Variants in PCDHGB5 observed in about 807,000 individuals in gnomAD.
PCDHGB5 encodes protocadherin gamma subfamily B, 5, also known as protocadherin gamma-B5.
Under a neutral mutation model 62.9 loss-of-function variants are expected in PCDHGB5, and 48 were observed. The observed-to-expected ratio is 0.76, with a 90% CI of 0.61 to 0.97. PCDHGB5 has a LOEUF of 0.97. PCDHGB5 is among the 50% of genes least tolerant of loss of function. The pLI, the probability that PCDHGB5 is intolerant of heterozygous loss-of-function variation, is 0.00. For synonymous variants in PCDHGB5, 474 were observed against 511.2 expected (o/e 0.93, Z 0.98); for missense variants, 1,118 against 1,198.6 (o/e 0.93, Z 0.99).
At chr5:141,503,679 G>A (rs562303239) in intron 2 of PCDHGB5, among the ~76,000 whole-genome samples, 1 of 152,054 alleles carries the variant, frequency 6.6e-6, no homozygotes, top group East Asian at 1.9e-4. Context: ...CCACTTTTGG[G>A]AAGGAGAATT....
At chr5:141,410,803 C>A in intron 1 of PCDHGB5, 11 of 409,880 alleles carry the variant, frequency 2.7e-5, no homozygotes, top group East Asian at 1.2e-4. Context: ...GTTGCTCTAT[C>A]TTTTTGTAAA....
chr5:141,446,415 T>C (rs1275165245), intron 1 of PCDHGB5, among the ~76,000 whole-genome samples: 2 of 152,046 alleles, frequency 1.3e-5, no homozygotes, highest in African/African-American at 4.8e-5. Flanking sequence ...GTTCCAGCCA[T>C]GTTCATTTGA....
At position 141,432,580 on chromosome 5, in the gene PCDHGB5, T is replaced by C. The variant is rs773087131; in HGVS notation, c.2397+32056T>C. 20 of 1,613,202 alleles carry C rather than the reference T, an allele frequency of 1.2e-5. No individual in the cohort carries two copies. The highest frequency in any genetic ancestry group is 4.0e-5 in the African/African-American group (3 of 74,662). On this transcript the variant is annotated intron_variant, in intron 1 of 3. Transcript: ENST00000617380. The surrounding 1 kb of genome is among the most constrained non-coding windows in gnomAD (Gnocchi z 6.0). ...GCCAGAACGCCTGGCTGTCCTACCG[T>C]CTGCTCAAGGCCAGCGAGCCGGGAC... is the stretch of plus-strand genomic sequence containing the variant.
chr5:141,476,224 G>T lies in PCDHGB5; in HGVS notation c.2398-18583G>T. 6.2e-7 allele frequency: 1 copy of T among 1,614,062 alleles called. No individual in the cohort carries two copies. The highest frequency in any genetic ancestry group is 1.1e-5 in the South Asian group (1 of 91,072). ...AGGCTTCCACGGTCATTCACTATGA[G>T]ATCCCGGAGGAAAGAGAGAAGGGTT... On this transcript the variant is annotated intron_variant, in intron 1 of 3. Transcript: ENST00000617380. This position sits in a 1 kb window ranked among gnomAD's most constrained non-coding sequence, Gnocchi z 7.6.
At position 141,491,578 on chromosome 5, in the gene PCDHGB5, C is replaced by T. The variant is rs1438933474; in HGVS notation, c.2398-3229C>T. 7.4e-6 allele frequency: 12 copies of T among 1,613,888 alleles called. No homozygotes were observed. The highest frequency in any genetic ancestry group is 1.0e-5 in the Non-Finnish European group (12 of 1,180,044). On this transcript the variant is annotated intron_variant, in intron 1 of 3. Coordinates refer to ENST00000617380, the MANE Select transcript of PCDHGB5 (RefSeq NM_018925.3). This position sits in a 1 kb window ranked among gnomAD's most constrained non-coding sequence, Gnocchi z 6.9. ...CCACTGCTACAGGACGTGCTTTTCA[C>T]CGGCCTCGGACGGCAGTGACTTCAC...
intron 1 of PCDHGB5, among the ~76,000 whole-genome samples, chr5:141,494,399 T>A (rs2099754028): frequency 6.6e-6 from 1 of 152,146 alleles, no homozygotes; most frequent in South Asian, 2.1e-4. Context: ...ATAAATTCAT[T>A]CTAGGGCTGG....
At chr5:141,473,228 A>T (rs549587219) in intron 1 of PCDHGB5, among the ~76,000 whole-genome samples, 1 of 152,296 alleles carries the variant, frequency 6.6e-6, no homozygotes, top group African/African-American at 2.4e-5. Context: ...GGGAGATTGG[A>T]TCCACACAAG....
At chr5:141,506,597 C>T (rs937487600) in intron 3 of PCDHGB5, among the ~76,000 whole-genome samples, 4 of 152,150 alleles carry the variant, frequency 2.6e-5, no homozygotes, top group Admixed American at 6.5e-5. Context: ...ACAGTATTAA[C>T]GGATCTCATT....
Position 141,485,626 on chromosome 5 carries a change from T to A in PCDHGB5, c.2398-9181T>A, listed in dbSNP as rs2099616815. 6.2e-7 allele frequency: 1 copy of A among 1,611,740 alleles called. No individual in the cohort carries two copies. On this transcript the variant is annotated intron_variant, in intron 1 of 3. Coordinates refer to ENST00000617380, the MANE Select transcript of PCDHGB5 (RefSeq NM_018925.3). This position sits in a 1 kb window ranked among gnomAD's most constrained non-coding sequence, Gnocchi z 5.7. Reference sequence around the variant, plus strand: ...GGGAGGCAGCTCCTCCAGGACAGCGTTTCCCGTTGGAAAAGGCTCAGGATG... The same window carrying A: ...GGGAGGCAGCTCCTCCAGGACAGCGATTCCCGTTGGAAAAGGCTCAGGATG...
chr5:141,429,760 C>A (rs1036499079), intron 1 of PCDHGB5, among the ~76,000 whole-genome samples: 1 of 152,020 alleles, frequency 6.6e-6, no homozygotes, highest in Non-Finnish European at 1.5e-5. Flanking sequence ...AATTTTTTCC[C>A]TATATTTTGA....
At chr5:141,425,521 C>A (rs2096880944) in intron 1 of PCDHGB5, among the ~76,000 whole-genome samples, 1 of 152,210 alleles carries the variant, frequency 6.6e-6, no homozygotes, top group Non-Finnish European at 1.5e-5. Flanking sequence ...TATGATGAAA[C>A]ATGAAACAAT....
At chr5:141,421,218 A>G (rs969154252) in intron 1 of PCDHGB5, 1 of 1,570,664 alleles carries the variant, frequency 6.4e-7, no homozygotes, top group Admixed American at 1.9e-5. Flanking sequence ...ATATCGGCTT[A>G]GAGCCTGCCA....
rs376843278 is a variant in PCDHGB5, at chr5:141,398,793, A to C, written c.666A>C (p.Leu222=). The part of the protein sequence containing the change: ...LTALDGGHPP[L]SGTTELRIQV... ...CCTTGGACGGTGGACATCCACCCCT[A>C]AGCGGCACCACTGAGCTCCGGATCC... Residue 222 remains leucine, a synonymous_variant, in exon 1 of 4, where the codon CTA becomes CTC. Transcript: ENST00000617380. 6.2e-7 allele frequency: 1 copy of C among 1,613,948 alleles called. No individual in the cohort carries two copies. Among genetic ancestry groups the C allele is most frequent in the African/African-American group, 1.3e-5 (1 of 75,066 alleles).
At chr5:141,405,556 C>G in intron 1 of PCDHGB5, 1 of 619,826 alleles carries the variant, frequency 1.6e-6, no homozygotes, top group African/African-American at 1.8e-5. Flanking sequence ...AGTAGAGTAG[C>G]TGGGACTAGA....
rs765318875 is a variant in PCDHGB5 at position 141,489,896 on chromosome 5, C to A, written c.2398-4911C>A. On this transcript the variant is annotated intron_variant, in intron 1 of 3. Coordinates refer to ENST00000617380, the MANE Select transcript of PCDHGB5 (RefSeq NM_018925.3). This position sits in a 1 kb window ranked among gnomAD's most constrained non-coding sequence, Gnocchi z 4.5. ...GTGCTTACTGCTGTGGATGGGGGGA[C>A]CCCAGCCCGCTCAGGGACCACCCTT... 5 of 1,614,062 alleles carry A rather than the reference C, an allele frequency of 3.1e-6. No homozygotes were observed.
intron 2 of PCDHGB5, among the ~76,000 whole-genome samples, chr5:141,495,703 GGAGT>G (rs2099763108): frequency 6.6e-6 from 1 of 152,098 alleles, no homozygotes; most frequent in South Asian, 2.1e-4. Context: ...CAATAAATGT[GGAGT>G]GAGTAACTAC....
At chr5:141,410,847 G>GTT (rs773839667) in intron 1 of PCDHGB5, 4 of 158,332 alleles carry the variant, frequency 2.5e-5, no homozygotes, top group South Asian at 1.1e-4. Flanking sequence ...TTTTGTCTTT[G>GTT]TCTTTTTTTT....
intron 1 of PCDHGB5, among the ~76,000 whole-genome samples, chr5:141,435,367 A>C (rs2097758993): frequency 1.3e-5 from 2 of 152,194 alleles, no homozygotes; most frequent in African/African-American, 4.8e-5. Flanking sequence ...TTTATCACTT[A>C]AATATACAAT....
chr5:141,423,405 G>T (rs1444037259), intron 1 of PCDHGB5: 1 of 1,614,154 alleles, frequency 6.2e-7, no homozygotes, highest in African/African-American at 1.3e-5. Context: ...CACGCCTGCT[G>T]CAGGCTTCTG....
Sources: gnomAD v4.1 joint callset for allele counts (sites outside exome capture counted in the v4.1 genomes callset) on GRCh38, gnomAD v4.1.1 for gene constraint, Gnocchi (gnomAD v3.1) non-coding constraint, MANE v1.5 for transcripts, NCBI Gene and HGNC (gene_info 2026-07-23, HGNC 2026-07-21) for gene names.